AGPAT3: variants seen among roughly 807,000 people sequenced by gnomAD.
AGPAT3 encodes the protein 1-acylglycerol-3-phosphate O-acyltransferase 3.
A neutral mutation model predicts 47.3 loss-of-function variants in AGPAT3; 5 were observed. That is an observed-to-expected ratio of 0.11 (90% confidence interval 0.06 to 0.22). The LOEUF is 0.22. Among genes scored for constraint, AGPAT3 ranks in the 10% least tolerant of loss-of-function variants. The probability of loss-of-function intolerance (pLI) is 1.00; values close to 1 mark genes in which losing one functional copy is unlikely to be tolerated. For missense variants in AGPAT3, 315 were observed against 493.0 expected, an observed-to-expected ratio of 0.64 and a Z score of 3.42; for synonymous variants, 212 against 208.3, an observed-to-expected ratio of 1.02 and a Z score of -0.15.
intron 2 of AGPAT3, among the ~76,000 whole-genome samples, chr21:43,909,770 A>G (rs1275094360): frequency 6.6e-6 from 1 of 152,136 alleles, no homozygotes; most frequent in African/African-American, 2.4e-5. Flanking sequence ...TGGATCTCCG[A>G]GAAGCCACTG....
chr21:43,942,361 G>A (rs951333615), intron 2 of AGPAT3, among the ~76,000 whole-genome samples: 3 of 152,314 alleles, frequency 2.0e-5, no homozygotes, highest in Middle Eastern at 3.4e-3. Flanking sequence ...GCAGGAAGGC[G>A]GGCTGGCCAC....
intron 1 of AGPAT3, among the ~76,000 whole-genome samples, chr21:43,903,271 G>A (rs893436450): frequency 2.0e-5 from 3 of 152,278 alleles, no homozygotes; most frequent in Admixed American, 1.3e-4. Flanking sequence ...GGGAGTAGGT[G>A]TTTAATGGAG....
chr21:43,968,305 G>T (rs1170163493), intron 4 of AGPAT3, among the ~76,000 whole-genome samples, 190 bp downstream of exon 4: 6 of 150,122 alleles, frequency 4.0e-5, no homozygotes, highest in African/African-American at 1.2e-4. Context: ...GTGGTCCTGG[G>T]GAGGGCTGGG....
intron 2 of AGPAT3, among the ~76,000 whole-genome samples, chr21:43,910,022 C>G (rs1002568287): frequency 1.3e-5 from 2 of 152,162 alleles, no homozygotes; most frequent in African/African-American, 4.8e-5. Context: ...GGAAGTGAGG[C>G]AGGTGTGTGG....
chr21:43,884,345 C>A (rs1018770890), intron 1 of AGPAT3, among the ~76,000 whole-genome samples: 1 of 150,228 alleles, frequency 6.7e-6, no homozygotes, highest in African/African-American at 2.4e-5. Flanking sequence ...CTAATGAGCT[C>A]ACTGGTTTCC....
intron 2 of AGPAT3, among the ~76,000 whole-genome samples, chr21:43,945,367 G>C (rs2277804): frequency 0.28 from 42,854 of 152,160 alleles, 7,133 homozygotes; most frequent in South Asian, 0.38. Flanking sequence ...TGTGCACATT[G>C]GGGAGCATTT....
intron 2 of AGPAT3, chr21:43,925,272 G>C (rs950244909): frequency 1.3e-5 from 2 of 152,562 alleles, no homozygotes; most frequent in African/African-American, 4.8e-5. Context: ...TGGGTCATGC[G>C]GGGAAGAGGG....
chr21:43,969,467 T>C (rs2838454), intron 5 of AGPAT3, among the ~76,000 whole-genome samples, 188 bp downstream of exon 5: 34,559 of 152,092 alleles, frequency 0.23, 6,348 homozygotes, highest in African/African-American at 0.51. Flanking sequence ...GGCCACCTGC[T>C]TGCTACTCGC....
intron 8 of AGPAT3, among the ~76,000 whole-genome samples, chr21:43,978,644 A>T (rs894518829): frequency 2.0e-5 from 3 of 152,240 alleles, no homozygotes; most frequent in African/African-American, 7.2e-5. Flanking sequence ...AACAAACTAC[A>T]GACAAGTATG....
chr21:43,973,960 T>A (rs556998091), intron 7 of AGPAT3, among the ~76,000 whole-genome samples: 3 of 152,226 alleles, frequency 2.0e-5, no homozygotes, highest in African/African-American at 4.8e-5. Flanking sequence ...AATAGAATTT[T>A]TATTTATATT....
rs576207315 is a variant in AGPAT3, at chr21:43,878,509, A to G, written c.-112+13164A>G. On this transcript the variant is annotated intron_variant, in intron 1 of 9. Coordinates refer to ENST00000291572, the MANE Select transcript of AGPAT3 (RefSeq NM_020132.5). Reference sequence around the variant, plus strand: ...GACACTGATGCCGCTCCGTTTTCCCAGTTATAAATATGATGGGCATCCTTG... The same window carrying G: ...GACACTGATGCCGCTCCGTTTTCCCGGTTATAAATATGATGGGCATCCTTG... 3.9e-5 allele frequency among the ~76,000 whole-genome samples: 6 copies of G among 152,304 alleles called. No homozygotes were observed. In the East Asian group the frequency reaches 1.2e-3, roughly 29 times the overall value.
rs745409771 is a variant in AGPAT3 at position 43,959,796 on chromosome 21, T to C, written c.115T>C (p.Trp39Arg). The C allele has an allele frequency of 5.6e-6, 9 of 1,613,342 alleles. No homozygotes were observed. The highest frequency in any genetic ancestry group is 3.3e-5 in the Admixed American group (2 of 60,020). The change falls in exon 3 of 10, where the codon TGG (tryptophan) becomes CGG (arginine). Residue 39 changes from tryptophan (W) to arginine (R), a missense_variant. Coordinates refer to ENST00000291572, the MANE Select transcript of AGPAT3 (RefSeq NM_020132.5). ...NFVQLCTLALWPVSKQLYRRL... is the reference protein window; with the variant it reads ...NFVQLCTLALRPVSKQLYRRL... ...CGTCCAGCTGTGCACGCTGGCGCTCTGGCCGGTCAGCAAGCAGCTCTACCG... is the reference window on the plus strand; with the variant it reads ...CGTCCAGCTGTGCACGCTGGCGCTCCGGCCGGTCAGCAAGCAGCTCTACCG...
chr21:43,878,741 T>TA lies in AGPAT3; in HGVS notation c.-112+13396_-112+13397insA. Among the ~76,000 whole-genome samples, 2 of 152,008 alleles carry TA rather than the reference T, an allele frequency of 1.3e-5. 1 individual carries two copies. Among genetic ancestry groups the TA allele is most frequent in the African/African-American group, 4.8e-5 (2 of 41,460 alleles). ...AGTTTTTTATTTCCATTTGTCTTTTTTTTTTTTTTTGGACACAGAGTTTTA... is the reference window on the plus strand; with the variant it reads ...AGTTTTTTATTTCCATTTGTCTTTTTATTTTTTTTTTGGACACAGAGTTTTA... On this transcript the variant is annotated intron_variant, in intron 1 of 9. Transcript: ENST00000291572.
chr21:43,895,122 T>G (rs1466143669), intron 1 of AGPAT3, among the ~76,000 whole-genome samples: 2 of 151,890 alleles, frequency 1.3e-5, no homozygotes, highest in Non-Finnish European at 2.9e-5. Flanking sequence ...TTTTTTTTTT[T>G]GAGACAGAGT....
rs571246841 is a variant in AGPAT3, at chr21:43,920,359, G to A, written c.-49+16340G>A. 1.3e-3 allele frequency among the ~76,000 whole-genome samples: 191 copies of A among 152,308 alleles called. No homozygotes were observed. The highest frequency in any genetic ancestry group is 2.3e-3 in the Non-Finnish European group (158 of 68,022). On this transcript the variant is annotated intron_variant, in intron 2 of 9. Coordinates refer to ENST00000291572, the MANE Select transcript of AGPAT3 (RefSeq NM_020132.5). The surrounding 1 kb of genome is among the most constrained non-coding windows in gnomAD (Gnocchi z 6.1). The stretch of plus-strand genomic sequence containing the variant: ...GGCTGAGAGGAGACAGCGCAGCTGG[G>A]CAGGTGATGCTTGGTGAGTGTGATA...
chr21:43,866,692 C>T (rs2085515032), intron 1 of AGPAT3: 1 of 152,248 alleles, frequency 6.6e-6, no homozygotes, highest in African/African-American at 2.4e-5. Flanking sequence ...TTCTTGAGGA[C>T]ATTGTCTAAA....
chr21:43,877,507 A>G (rs919309953), intron 1 of AGPAT3, among the ~76,000 whole-genome samples: 3 of 151,648 alleles, frequency 2.0e-5, no homozygotes, highest in African/African-American at 7.3e-5. Flanking sequence ...CAATGGTGCC[A>G]TGTTGGCTCA....
At position 43,955,293 on chromosome 21, in the gene AGPAT3, G is replaced by A. The variant is rs733085; in HGVS notation, c.-48-4341G>A. ...GCTGACCTGCATTGTCAGGCTGGGT[G>A]GGGAAGGACTTGGATGGAAATGTTC... On this transcript the variant is annotated intron_variant, in intron 2 of 9. Coordinates refer to ENST00000291572, the MANE Select transcript of AGPAT3 (RefSeq NM_020132.5). This position sits in a 1 kb window ranked among gnomAD's most constrained non-coding sequence, Gnocchi z 4.1. The A allele has an allele frequency of 0.041, 46,052 of 1,135,798 alleles. 1,092 individuals are homozygous for A. The highest frequency in any genetic ancestry group is 0.089 in the Middle Eastern group (230 of 2,588). The allele number at this position is 1,135,798 out of a possible 1,614,324, so 70.4% of individuals were successfully genotyped here.
intron 2 of AGPAT3, among the ~76,000 whole-genome samples, chr21:43,915,699 A>G (rs2086713044): frequency 6.6e-6 from 1 of 152,110 alleles, no homozygotes; most frequent in Non-Finnish European, 1.5e-5. Context: ...GGCGTGAGCT[A>G]CTGTGCTGGG....
Sources: allele counts gnomAD v4.1 joint callset (sites outside exome capture counted in the v4.1 genomes callset), GRCh38; gene constraint gnomAD v4.1.1; non-coding constraint Gnocchi (gnomAD v3.1); transcripts MANE v1.5; gene names NCBI Gene and HGNC (gene_info 2026-07-23, HGNC 2026-07-21).